Variants in AHCY observed in about 807,000 individuals in gnomAD.
AHCY encodes the protein S-adenosyl-L-homocysteine hydrolase.
Under a neutral mutation model 45.4 loss-of-function variants are expected in AHCY, and 24 were observed. The observed-to-expected ratio is 0.53, with a 90% CI of 0.38 to 0.74. The LOEUF (loss-of-function observed/expected upper bound fraction) is 0.74. Ranked by LOEUF, AHCY falls within the 30% of genes least tolerant of loss-of-function variation. The pLI is 0.00. For synonymous variants in AHCY, 245 were observed against 235.1 expected, an observed-to-expected ratio of 1.04 and a Z score of -0.39; for missense variants, 449 against 594.1, an observed-to-expected ratio of 0.76 and a Z score of 2.54.
the AHCY span, among the ~76,000 whole-genome samples, chr20:34,251,307 G>A: frequency 2.7e-4 from 40 of 150,328 alleles, no homozygotes; most frequent in African/African-American, 8.3e-4. Context: ...GTCTCGCTCC[G>A]TCGCCCAGGC....
the AHCY span, among the ~76,000 whole-genome samples, chr20:34,269,946 T>TAAAAAAA: frequency 3.9e-4 from 23 of 59,230 alleles, 1 homozygote; most frequent in African/African-American, 1.2e-3. Context: ...AACTCTGTCT[T>TAAAAAAA]AAAAAAAAAA....
chr20:34,266,490 T>C, the AHCY span, among the ~76,000 whole-genome samples: 19,586 of 151,404 alleles, frequency 0.13, 1,340 homozygotes, highest in East Asian at 0.22. Context: ...CTAGCCAACA[T>C]GGTGAAACCC....
chr20:34,256,915 G>T, the AHCY span, among the ~76,000 whole-genome samples: 1 of 151,992 alleles, frequency 6.6e-6, no homozygotes, highest in Non-Finnish European at 1.5e-5. Flanking sequence ...CGAGTAGCTG[G>T]GAACACAGTC....
chr20:34,265,379 CT>C, the AHCY span, among the ~76,000 whole-genome samples: 1 of 151,980 alleles, frequency 6.6e-6, no homozygotes, highest in Non-Finnish European at 1.5e-5. Flanking sequence ...AAAAAATTAA[CT>C]GGGTGTGGTG....
intron 1 of AHCY, among the ~76,000 whole-genome samples, chr20:34,299,126 T>C (rs2036685247): frequency 6.6e-6 from 1 of 152,110 alleles, no homozygotes; most frequent in South Asian, 2.1e-4. Flanking sequence ...TTGTCTTGTA[T>C]CTTTATTTCT....
At chr20:34,258,935 A>C in the AHCY span, among the ~76,000 whole-genome samples, 1 of 141,766 alleles carries the variant, frequency 7.1e-6, no homozygotes, top group South Asian at 2.2e-4. Context: ...CAAATGAACA[A>C]ATATGGCTGA....
chr20:34,299,213 G>C (rs1568811854), intron 1 of AHCY, among the ~76,000 whole-genome samples: 1 of 152,066 alleles, frequency 6.6e-6, no homozygotes, highest in South Asian at 2.1e-4. Flanking sequence ...CCTGCTCCAT[G>C]GGGCCTGATT....
At chr20:34,264,789 A>ATTTTT in the AHCY span, among the ~76,000 whole-genome samples, 7 of 104,204 alleles carry the variant, frequency 6.7e-5, no homozygotes, top group Non-Finnish European at 1.1e-4. Flanking sequence ...AGTTTACTTC[A>ATTTTT]TTTTTTTTTT....
At chr20:34,251,509 C>T in the AHCY span, among the ~76,000 whole-genome samples, 1 of 152,042 alleles carries the variant, frequency 6.6e-6, no homozygotes, top group South Asian at 2.1e-4. Flanking sequence ...CTCCTGACCT[C>T]GTGATCCGTC....
chr20:34,295,516 A>C lies in AHCY; in HGVS notation c.98T>G (p.Met33Arg). The part of the protein sequence containing the change: ...DIAENEMPGL[M>R]RMRERYSASK... ...GGCCGAGTACCGCTCCCGCATACGC[A>C]TCAGGCCCGGCATCTCGTTCTCAGC... Residue 33 changes from methionine to arginine, a missense_variant, in exon 2 of 10, where the codon ATG (methionine) becomes AGG (arginine). Physicochemically the swap from Met to Arg is moderately conservative, Grantham distance 91. Transcript: ENST00000217426. 6.2e-7 allele frequency: 1 copy of C among 1,614,086 alleles called. No individual in the cohort carries two copies. Among genetic ancestry groups the C allele is most frequent in the East Asian group, 2.2e-5 (1 of 44,882 alleles).
At chr20:34,253,958 T>A in the AHCY span, among the ~76,000 whole-genome samples, 1 of 152,166 alleles carries the variant, frequency 6.6e-6, no homozygotes, top group African/African-American at 2.4e-5. Flanking sequence ...ATATCACACA[T>A]CAAATAACAG....
chr20:34,257,060 CTT>C, the AHCY span, among the ~76,000 whole-genome samples: 2,463 of 122,378 alleles, frequency 0.02, 25 homozygotes, highest in South Asian at 0.039. Context: ...TTCTCTCTCT[CTT>C]TCTTTCTCTT....
chr20:34,295,425 G>A lies in AHCY; in HGVS notation c.189C>T (p.Leu63=), dbSNP rs1443239396. Residue 63 remains leucine, a synonymous_variant, in exon 2 of 10, where the codon CTC becomes CTT. Coordinates refer to ENST00000217426, the MANE Select transcript of AHCY (RefSeq NM_000687.4). ...CLHMTVETAV[L]IETLVTLGAE... ...CACCCAGGGTGACGAGGGTCTCAATGAGGACGGCCGTCTCCACGGTCATGT... is the reference window on the plus strand; with the variant it reads ...CACCCAGGGTGACGAGGGTCTCAATAAGGACGGCCGTCTCCACGGTCATGT... 1 of 1,614,038 alleles carries A rather than the reference G, an allele frequency of 6.2e-7. No individual in the cohort carries two copies. The highest frequency in any genetic ancestry group is 8.5e-7 in the Non-Finnish European group (1 of 1,179,918).
At chr20:34,251,029 A>G in the AHCY span, among the ~76,000 whole-genome samples, 6 of 152,148 alleles carry the variant, frequency 3.9e-5, no homozygotes, top group African/African-American at 1.4e-4. Context: ...ACGCACGTCA[A>G]CAAGACTCCT....
At chr20:34,246,687 A>G in the AHCY span, 1 of 464,480 alleles carries the variant, frequency 2.2e-6, no homozygotes, top group East Asian at 4.6e-5. Context: ...TGAACTCCTG[A>G]CCTCAAGTGA....
chr20:34,287,626 A>C (rs1184797708), intron 8 of AHCY, among the ~76,000 whole-genome samples: 3 of 151,742 alleles, frequency 2.0e-5, no homozygotes, highest in African/African-American at 7.3e-5. Context: ...TCCTGACCTC[A>C]AGTGATCCGC....
chr20:34,235,853 GAAGGAAGGAAGGA>G, the AHCY span, among the ~76,000 whole-genome samples: 61 of 45,974 alleles, frequency 1.3e-3, 2 homozygotes, highest in African/African-American at 0.012. Flanking sequence ...AGGAAGGAAG[GAAGGAAGGAAGGA>G]AAGGAAGGAA....
At chr20:34,291,620 T>C in intron 4 of AHCY, 89 bp from the exon 5 acceptor site, 7 of 1,212,854 alleles carry the variant, frequency 5.8e-6, no homozygotes, top group East Asian at 2.4e-5. Flanking sequence ...GCCATTCCTC[T>C]TTCTGGGTTC....
the AHCY span, chr20:34,269,154 G>C: frequency 6.5e-7 from 1 of 1,539,504 alleles, no homozygotes; most frequent in Non-Finnish European, 8.8e-7. Context: ...CGCGTGCTCA[G>C]CCTCAACTGC....
Sources: gnomAD v4.1 joint callset for allele counts (sites outside exome capture counted in the v4.1 genomes callset) on GRCh38, gnomAD v4.1.1 for gene constraint, MANE v1.5 for transcripts, NCBI Gene and HGNC (gene_info 2026-07-23, HGNC 2026-07-21) for gene names.